Variants in ZNF407 observed in about 807,000 individuals in gnomAD.
ZNF407 encodes zinc finger protein 407.
A neutral mutation model predicts 131.2 loss-of-function variants in ZNF407; 17 were observed. That is an observed-to-expected ratio of 0.13 (90% CI 0.09 to 0.19). The LOEUF (loss-of-function observed/expected upper bound fraction) is 0.19, where lower values mean the gene tolerates loss of function less well. ZNF407 is among the 10% of genes least tolerant of loss of function. The pLI, the probability that ZNF407 is intolerant of heterozygous loss-of-function variation, is 1.00. For synonymous variants in ZNF407, 1,156 were observed against 1,062.0 expected (o/e 1.09, Z -1.72); for missense variants, 2,681 against 2,830.6 (o/e 0.95, Z 1.20).
At chr18:74,672,852 C>T (rs1986207199) in intron 3 of ZNF407, among the ~76,000 whole-genome samples, 1 of 152,142 alleles carries the variant, frequency 6.6e-6, no homozygotes. Flanking sequence ...AATATACAGA[C>T]ATTTAATTTG....
At position 74,607,626 on chromosome 18, in the gene ZNF407, G is replaced by C. The variant is rs184642581; in HGVS notation, c.-54+9689G>C. Among the ~76,000 whole-genome samples the C allele has an allele frequency of 1.7e-3, 260 of 152,268 alleles. 2 individuals are homozygous for C. The highest frequency in any genetic ancestry group is 5.8e-3 in the African/African-American group (240 of 41,554). ...AGGCCCAGTCTTAGCAACGTTTTCT[G>C]TGAAAGGGTGTCCAGATTGATTGCT... On this transcript the variant is annotated intron_variant, in intron 1 of 8. Transcript: ENST00000299687.
chr18:74,677,882 C>G (rs1966890825), intron 3 of ZNF407, among the ~76,000 whole-genome samples: 1 of 152,014 alleles, frequency 6.6e-6, no homozygotes, highest in African/African-American at 2.4e-5. Flanking sequence ...AGTGCAGTGG[C>G]CGATTTTGGC....
intron 8 of ZNF407, among the ~76,000 whole-genome samples, chr18:74,934,311 A>T (rs1972014784): frequency 6.6e-6 from 1 of 152,044 alleles, no homozygotes; most frequent in South Asian, 2.1e-4. Flanking sequence ...TTTTTTTCTC[A>T]TTGAGAGAGT....
intron 4 of ZNF407, among the ~76,000 whole-genome samples, chr18:74,865,527 T>C (rs979148069): frequency 6.6e-6 from 1 of 152,206 alleles, no homozygotes; most frequent in Non-Finnish European, 1.5e-5. Context: ...GTTTTGATTA[T>C]GCACTTAATA....
At chr18:74,794,986 G>T (rs1422824622) in intron 4 of ZNF407, among the ~76,000 whole-genome samples, 1 of 152,092 alleles carries the variant, frequency 6.6e-6, no homozygotes, top group Admixed American at 6.5e-5. Context: ...ACAAGAAAAT[G>T]CTTGTTTTTA....
At chr18:74,991,249 T>A (rs1382385156) in intron 8 of ZNF407, among the ~76,000 whole-genome samples, 1 of 152,240 alleles carries the variant, frequency 6.6e-6, no homozygotes, top group Non-Finnish European at 1.5e-5. Context: ...GGGACTCCTG[T>A]AGAAGCTTCA....
rs748993100 is a variant in ZNF407 at position 75,063,473 on chromosome 18, G to A, written c.5752G>A (p.Gly1918Arg). Residue 1918 changes from glycine (G) to arginine (R), a missense_variant, in exon 9 of 9, where the codon GGG becomes AGG. Around this residue, in one of 6 missense-constraint regions of ZNF407, gnomAD observed 620 missense variants for 583.1 expected, o/e 1.06. Transcript: ENST00000299687. This position sits in a 1 kb window ranked among gnomAD's most constrained non-coding sequence, Gnocchi z 6.6. ...CCAGGTCATCGCCACGAGTCAGAGC[G>A]GGGCACATGTAGGCAGCGTGGTGCC... ...DGQVIATSQSGAHVGSVVPGP... is the reference protein window; with the variant it reads ...DGQVIATSQSRAHVGSVVPGP... 1.9e-5 allele frequency: 30 copies of A among 1,603,586 alleles called. No individual in the cohort carries two copies. The highest frequency in any genetic ancestry group is 1.6e-4 in the Middle Eastern group (1 of 6,076).
chr18:74,918,650 A>G (rs370038706), intron 7 of ZNF407, among the ~76,000 whole-genome samples: 4 of 152,202 alleles, frequency 2.6e-5, no homozygotes, highest in Middle Eastern at 3.2e-3. Context: ...AGATTGACAG[A>G]GCCTTTGCCC....
chr18:74,972,200 A>G (rs1260423222), intron 8 of ZNF407, among the ~76,000 whole-genome samples: 1 of 152,034 alleles, frequency 6.6e-6, no homozygotes, highest in Non-Finnish European at 1.5e-5. Flanking sequence ...CACTGTTGTG[A>G]TTTCCAGCAT....
At chr18:74,643,645 A>G (rs1280613497) in intron 3 of ZNF407, among the ~76,000 whole-genome samples, 1 of 151,984 alleles carries the variant, frequency 6.6e-6, no homozygotes, top group East Asian at 1.9e-4. Context: ...GAAAACTAAT[A>G]CTTTATGGTG....
intron 4 of ZNF407, among the ~76,000 whole-genome samples, chr18:74,829,463 G>A (rs1009297671): frequency 1.8e-4 from 27 of 152,246 alleles, no homozygotes; most frequent in Admixed American, 5.9e-4. Context: ...CCTGGATCTC[G>A]ATTTGACTTT....
intron 2 of ZNF407, among the ~76,000 whole-genome samples, chr18:74,636,433 T>G (rs879292661): frequency 6.6e-6 from 1 of 152,262 alleles, no homozygotes; most frequent in Admixed American, 6.5e-5. Flanking sequence ...CCATACATTC[T>G]TTATTTTAAA....
rs9962092 is a variant in ZNF407 at position 74,971,859 on chromosome 18, A to C, written c.5428+51167A>C. The stretch of plus-strand genomic sequence containing the variant: ...ATTTTCATGCTGCTGATAAAGACAT[A>C]CCTGAAACTGGGAAGAAAAAGAGGT... On this transcript the variant is annotated intron_variant, in intron 8 of 8. Transcript: ENST00000299687. Among the ~76,000 whole-genome samples the C allele has an allele frequency of 3.7e-3, 567 of 152,328 alleles. 3 individuals carry two copies. Among genetic ancestry groups the C allele is most frequent in the African/African-American group, 0.013 (532 of 41,564 alleles).
intron 8 of ZNF407, among the ~76,000 whole-genome samples, chr18:75,033,060 ATAGTAT>A (rs1414315066): frequency 4.6e-5 from 6 of 129,820 alleles, no homozygotes; most frequent in Non-Finnish European, 9.5e-5. Flanking sequence ...TGGGGGGAAG[ATAGTAT>A]TAGATAACTA....
chr18:74,609,631 AC>A (rs1197005004), intron 1 of ZNF407, among the ~76,000 whole-genome samples: 1 of 152,224 alleles, frequency 6.6e-6, no homozygotes, highest in Non-Finnish European at 1.5e-5. Context: ...CTAGGAGATT[AC>A]ACTTTTGTAT....
At chr18:74,790,664 CA>C (rs1291260788) in intron 4 of ZNF407, among the ~76,000 whole-genome samples, 1 of 152,136 alleles carries the variant, frequency 6.6e-6, no homozygotes, top group Admixed American at 6.6e-5. Context: ...TTAAAGAGAA[CA>C]AAGGCCTATA....
chr18:74,882,600 A>G (rs1971253893), intron 6 of ZNF407, among the ~76,000 whole-genome samples: 1 of 152,254 alleles, frequency 6.6e-6, no homozygotes, highest in Non-Finnish European at 1.5e-5. Flanking sequence ...AGATTTTCAT[A>G]AGAGATATGA....
intron 8 of ZNF407, among the ~76,000 whole-genome samples, chr18:74,956,533 C>A (rs1468542026): frequency 6.6e-6 from 1 of 152,096 alleles, no homozygotes; most frequent in Non-Finnish European, 1.5e-5. Flanking sequence ...TTTTTCCATT[C>A]TAGTGTACAC....
intron 8 of ZNF407, among the ~76,000 whole-genome samples, chr18:74,986,077 A>G (rs1972649248): frequency 6.6e-6 from 1 of 152,204 alleles, no homozygotes; most frequent in African/African-American, 2.4e-5. Context: ...TGCCATCTCC[A>G]TGTCACTGTG....
Sources: allele counts gnomAD v4.1 joint callset (sites outside exome capture counted in the v4.1 genomes callset), GRCh38; gene constraint gnomAD v4.1.1; regional missense constraint gnomAD v4.1.1; non-coding constraint Gnocchi (gnomAD v3.1); transcripts MANE v1.5; gene names NCBI Gene and HGNC (gene_info 2026-07-23, HGNC 2026-07-21).